Variants in FOXJ3 observed in about 807,000 individuals in gnomAD.
FOXJ3 encodes the protein forkhead box protein J3.
In FOXJ3, 22 loss-of-function variants were observed where a neutral mutation model predicts 76.1. The observed-to-expected ratio is 0.29, with a 90% CI of 0.21 to 0.41. The LOEUF (loss-of-function observed/expected upper bound fraction) is 0.41, where lower values mean the gene tolerates loss of function less well. FOXJ3 is among the 10% of genes least tolerant of loss of function. FOXJ3 has a pLI of 1.00. For synonymous variants in FOXJ3, 269 were observed against 261.2 expected, an observed-to-expected ratio of 1.03 and a Z score of -0.29; for missense variants, 613 against 762.1, an observed-to-expected ratio of 0.80 and a Z score of 2.30.
intron 12 of FOXJ3, among the ~76,000 whole-genome samples, chr1:42,180,564 G>A (rs1272983500): frequency 1.3e-5 from 2 of 151,972 alleles, no homozygotes; most frequent in Non-Finnish European, 2.9e-5. Flanking sequence ...TTTAACTGTT[G>A]TGGAAGTTTT....
intron 2 of FOXJ3, among the ~76,000 whole-genome samples, chr1:42,279,895 C>T (rs1481820185): frequency 6.6e-6 from 1 of 151,926 alleles, no homozygotes; most frequent in Non-Finnish European, 1.5e-5. Flanking sequence ...CCCTTCATTC[C>T]AAATGGCTCC....
chr1:42,210,797 G>A (rs1166624216), intron 5 of FOXJ3, among the ~76,000 whole-genome samples: 1 of 152,074 alleles, frequency 6.6e-6, no homozygotes, highest in Non-Finnish European at 1.5e-5. Context: ...TAGAGGACAG[G>A]TCACATCACT....
intron 4 of FOXJ3, among the ~76,000 whole-genome samples, chr1:42,256,371 A>G (rs931897123): frequency 6.6e-6 from 1 of 152,250 alleles, no homozygotes; most frequent in Non-Finnish European, 1.5e-5. Context: ...TAAAACGCTT[A>G]CAACTCAGTA....
intron 4 of FOXJ3, among the ~76,000 whole-genome samples, chr1:42,231,875 G>A (rs1193768003): frequency 6.6e-6 from 1 of 152,086 alleles, no homozygotes; most frequent in Non-Finnish European, 1.5e-5. Context: ...GTATACATGT[G>A]CCATGTTGGT....
chr1:42,263,868 T>C (rs1216392141), intron 4 of FOXJ3, among the ~76,000 whole-genome samples: 2 of 150,582 alleles, frequency 1.3e-5, no homozygotes, highest in African/African-American at 4.9e-5. Flanking sequence ...TAAATTTAGA[T>C]TTTAAGGGCA....
chr1:42,327,295 T>C (rs1655894999), intron 1 of FOXJ3, among the ~76,000 whole-genome samples: 1 of 152,048 alleles, frequency 6.6e-6, no homozygotes, highest in Non-Finnish European at 1.5e-5. Context: ...GACCCAACTA[T>C]CCTAGCAGAA....
chr1:42,248,226 A>C (rs1273238380), intron 4 of FOXJ3, among the ~76,000 whole-genome samples: 1 of 152,136 alleles, frequency 6.6e-6, no homozygotes, highest in Non-Finnish European at 1.5e-5. Flanking sequence ...AAAACTACTG[A>C]ATTATACACT....
In FOXJ3 at chr1:42,189,382, C is replaced by T. The variant is rs528802214; in HGVS notation, c.1374G>A (p.Ala458=). The change falls in exon 10 of 13, where the codon GCG becomes GCA. Residue 458 remains alanine, a synonymous_variant. Coordinates refer to ENST00000361346, the MANE Select transcript of FOXJ3 (RefSeq NM_014947.5). ...AGCTTTCTTTTAGCATATCAAGTGT[C>T]GCATACCAATCATTTGAAACACCTA... is the stretch of plus-strand genomic sequence containing the variant. ...CNSGVSNDWY[A]TLDMLKESCR... is the part of the protein sequence containing the mutation. 7 of 1,612,182 alleles carry T rather than the reference C, an allele frequency of 4.3e-6. No individual in the cohort carries two copies. The highest frequency in any genetic ancestry group is 3.3e-5 in the South Asian group (3 of 90,972).
At chr1:42,316,005 G>C (rs190341412) in intron 1 of FOXJ3, among the ~76,000 whole-genome samples, 197 of 152,242 alleles carry the variant, frequency 1.3e-3, no homozygotes, top group Non-Finnish European at 2.1e-3. Flanking sequence ...GAAAAGCATG[G>C]AATTTCTTTT....
At position 42,199,086 on chromosome 1, in the gene FOXJ3, C is replaced by A. The variant is rs1199550959; in HGVS notation, c.759+16G>T. 2 of 1,603,526 alleles carry A rather than the reference C, an allele frequency of 1.2e-6. No individual in the cohort carries two copies. Among genetic ancestry groups the A allele is most frequent in the Admixed American group, 3.4e-5 (2 of 59,286 alleles). ...AAATGAATAACTATTAACATGTTAA[C>A]TTCATCAAGACTTACCGGTGTATAA... On this transcript the variant is annotated intron_variant, in intron 7 of 12. Transcript: ENST00000361346.
intron 5 of FOXJ3, among the ~76,000 whole-genome samples, chr1:42,208,491 C>A (rs998271982): frequency 4.6e-5 from 7 of 152,160 alleles, no homozygotes; most frequent in African/African-American, 1.7e-4. Flanking sequence ...ATTCAATATC[C>A]TTTCATGACA....
intron 2 of FOXJ3, among the ~76,000 whole-genome samples, chr1:42,289,219 TAATA>T (rs1653260711): frequency 6.6e-6 from 1 of 151,562 alleles, no homozygotes; most frequent in South Asian, 2.1e-4. Context: ...ATATGTTTCT[TAATA>T]TATATAATTA....
chr1:42,181,665 A>G (rs908769569), intron 12 of FOXJ3, among the ~76,000 whole-genome samples: 4 of 152,194 alleles, frequency 2.6e-5, no homozygotes, highest in Admixed American at 6.5e-5. Flanking sequence ...CTGTCCAGAC[A>G]TTGTCCCCTA....
chr1:42,220,914 T>C (rs1290837856), intron 5 of FOXJ3, among the ~76,000 whole-genome samples: 1 of 152,190 alleles, frequency 6.6e-6, no homozygotes, highest in African/African-American at 2.4e-5. Context: ...CTAGGATAGA[T>C]ACAAAATCTT....
intron 2 of FOXJ3, among the ~76,000 whole-genome samples, chr1:42,287,893 G>A (rs1352656507): frequency 3.9e-5 from 6 of 152,124 alleles, no homozygotes; most frequent in Admixed American, 3.9e-4. Flanking sequence ...TGAGCCCAGG[G>A]AAGTCGAGAC....
chr1:42,276,973 C>A (rs193283389), intron 3 of FOXJ3, among the ~76,000 whole-genome samples: 1 of 152,130 alleles, frequency 6.6e-6, no homozygotes, highest in Non-Finnish European at 1.5e-5. Flanking sequence ...CACCTCTCAA[C>A]GCGCTGAGAT....
At chr1:42,251,018 G>T (rs1038006453) in intron 4 of FOXJ3, among the ~76,000 whole-genome samples, 92 of 151,852 alleles carry the variant, frequency 6.1e-4, no homozygotes, top group African/African-American at 2.0e-3. Flanking sequence ...GGGGCCAAAA[G>T]AATTTTTAAT....
intron 3 of FOXJ3, among the ~76,000 whole-genome samples, chr1:42,277,415 C>A (rs1422146089): frequency 6.6e-6 from 1 of 151,782 alleles, no homozygotes; most frequent in East Asian, 1.9e-4. Flanking sequence ...GTAATCCCAG[C>A]ACTTTGGGAG....
At chr1:42,279,611 A>G (rs1267674665) in intron 2 of FOXJ3, among the ~76,000 whole-genome samples, 1 of 152,194 alleles carries the variant, frequency 6.6e-6, no homozygotes, top group Non-Finnish European at 1.5e-5. Flanking sequence ...GAAAAGGGAG[A>G]AAGCTGCTCT....
Sources: gnomAD v4.1 joint callset for allele counts (sites outside exome capture counted in the v4.1 genomes callset) on GRCh38, gnomAD v4.1.1 for gene constraint, MANE v1.5 for transcripts, NCBI Gene and HGNC (gene_info 2026-07-23, HGNC 2026-07-21) for gene names.